The following SLC9A1 variants were observed in gnomAD, a reference collection of about 807,000 sequenced individuals.
The protein encoded by SLC9A1 is sodium/hydrogen exchanger 1.
Under a neutral mutation model 67.9 loss-of-function variants are expected in SLC9A1, and 22 were observed. The ratio of observed to expected loss-of-function variants is 0.32; its 90% CI spans 0.23 to 0.46. The LOEUF is 0.46. Ranked by LOEUF, SLC9A1 falls within the 20% of genes least tolerant of loss-of-function variation. The probability of loss-of-function intolerance (pLI) is 1.00; values close to 1 mark genes in which losing one functional copy is unlikely to be tolerated. For missense variants in SLC9A1, 686 were observed against 1,094.8 expected, an observed-to-expected ratio of 0.63 and a Z score of 5.27; for synonymous variants, 421 against 471.8, an observed-to-expected ratio of 0.89 and a Z score of 1.40.
intron 1 of SLC9A1, among the ~76,000 whole-genome samples, chr1:27,146,706 G>A (rs1254683807): frequency 1.3e-5 from 2 of 152,188 alleles, no homozygotes; most frequent in East Asian, 3.8e-4. Context: ...CTGGAGCCAG[G>A]GAGGTTGAAG....
In SLC9A1 at chr1:27,100,378, G is replaced by T; in HGVS notation, c.2377C>A (p.Arg793Ser). The T allele has an allele frequency of 6.3e-7, 1 of 1,589,480 alleles. No individual in the cohort carries two copies. Among genetic ancestry groups the T allele is most frequent in the Admixed American group, 1.7e-5 (1 of 58,598 alleles). The change falls in exon 12 of 12, where the codon CGC (arginine) becomes AGC (serine). Residue 793 changes from arginine to serine, a missense_variant. Around this residue, in one of 7 missense-constraint regions of SLC9A1, gnomAD observed 226 missense variants for 282.4 expected, o/e 0.80. Transcript: ENST00000263980. The surrounding 1 kb of genome is among the most constrained non-coding windows in gnomAD (Gnocchi z 5.6). ...TGTGGGCCTGGGTCACTGAGGCAGCGCTGTATCCTCTGGGAGCTGGGGCTG... is the reference window on the plus strand; with the variant it reads ...TGTGGGCCTGGGTCACTGAGGCAGCTCTGTATCCTCTGGGAGCTGGGGCTG... ...SDSPSSQRIQ[R>S]CLSDPGPHPE...
At position 27,155,086 on chromosome 1, in the gene SLC9A1, C is replaced by A. The variant is rs1035985506; in HGVS notation, c.-752G>T. The stretch of plus-strand genomic sequence containing the variant: ...AGCTGCAGCTCCTCCTGGTCCAGCT[C>A]CAGAACTAACCCTAGCCCCGGCCCC... On this transcript the variant is annotated 5_prime_UTR_variant, in exon 1 of 12. Coordinates refer to ENST00000263980, the MANE Select transcript of SLC9A1 (RefSeq NM_003047.5). The surrounding 1 kb of genome is among the most constrained non-coding windows in gnomAD (Gnocchi z 4.5). Among the ~76,000 whole-genome samples the A allele has an allele frequency of 3.9e-5, 6 of 152,058 alleles. No homozygotes were observed. The highest frequency in any genetic ancestry group is 5.9e-5 in the Non-Finnish European group (4 of 67,998).
chr1:27,117,949 C>T (rs1261649450), intron 1 of SLC9A1, among the ~76,000 whole-genome samples: 1 of 152,196 alleles, frequency 6.6e-6, no homozygotes, highest in Non-Finnish European at 1.5e-5. Context: ...GAGGGCCATG[C>T]TATTCCAGCC....
At chr1:27,151,212 C>T (rs1340267088) in intron 1 of SLC9A1, among the ~76,000 whole-genome samples, 2 of 152,292 alleles carry the variant, frequency 1.3e-5, no homozygotes, top group East Asian at 3.9e-4. Context: ...GGTAGGGATG[C>T]ATTTGCTGTA....
At chr1:27,151,550 C>T (rs1173585908) in intron 1 of SLC9A1, among the ~76,000 whole-genome samples, 29 of 151,888 alleles carry the variant, frequency 1.9e-4, no homozygotes, top group Admixed American at 1.7e-3. Flanking sequence ...TTAGTAGAGA[C>T]GGGGTTTCAC....
chr1:27,132,890 A>G (rs567418798), intron 1 of SLC9A1, among the ~76,000 whole-genome samples: 64 of 152,266 alleles, frequency 4.2e-4, no homozygotes, highest in Middle Eastern at 3.4e-3. Flanking sequence ...GAGCACCAGG[A>G]GCCATTTCCA....
In SLC9A1 at chr1:27,118,648, C is replaced by T. The variant is rs2083287194; in HGVS notation, c.353-4362G>A. 6.6e-6 allele frequency among the ~76,000 whole-genome samples: 1 copy of T among 152,176 alleles called. No homozygotes were observed. The highest frequency in any genetic ancestry group is 2.4e-5 in the African/African-American group (1 of 41,434). Reference sequence around the variant, plus strand: ...GCAAAACTTTCAGGGCCCAAACATGCAGCAGCAGTGATGTCACCAGGGTGA... The same window carrying T: ...GCAAAACTTTCAGGGCCCAAACATGTAGCAGCAGTGATGTCACCAGGGTGA... On this transcript the variant is annotated intron_variant, in intron 1 of 11. Coordinates refer to ENST00000263980, the MANE Select transcript of SLC9A1 (RefSeq NM_003047.5). The surrounding 1 kb of genome is among the most constrained non-coding windows in gnomAD (Gnocchi z 4.3).
At chr1:27,102,588 G>A (rs565362157) in intron 7 of SLC9A1, 30 bp from the exon 8 acceptor site, 7 of 1,609,038 alleles carry the variant, frequency 4.4e-6, no homozygotes, top group East Asian at 2.2e-5. Context: ...GACGGATGGC[G>A]CCAGCTTCCA....
In SLC9A1 at chr1:27,154,272, C is replaced by T; in HGVS notation, c.63G>A (p.Val21=). ...SPHRIFPSLL[V]VVALVGLLPV... ...GCAGCAGCCCCACCAAAGCAACCAC[C>T]ACGAGTAAGGAAGGGAAGATCCGAT... The change falls in exon 1 of 12, where the codon GTG becomes GTA. Residue 21 remains valine, a synonymous_variant. Transcript: ENST00000263980. 1 of 1,612,950 alleles carries T rather than the reference C, an allele frequency of 6.2e-7. No homozygotes were observed. Among genetic ancestry groups the T allele is most frequent in the Non-Finnish European group, 8.5e-7 (1 of 1,179,450 alleles).
At position 27,106,047 on chromosome 1, in the gene SLC9A1, G is replaced by A. The variant is rs752840548; in HGVS notation, c.1323C>T (p.Ile441=). 7.4e-6 allele frequency: 12 copies of A among 1,613,542 alleles called. No homozygotes were observed. Among genetic ancestry groups the A allele is most frequent in the Middle Eastern group, 1.7e-4 (1 of 6,054 alleles). ...GLTWFINKFR[I]VKLTPKDQFI... is the part of the protein sequence containing the mutation. ...ACTGGTCCTTGGGGGTCAGCTTCAC[G>A]ATACGGAACTTGTTGATGAACCAGG... The change falls in exon 5 of 12, where the codon ATC becomes ATT. Residue 441 remains isoleucine, a synonymous_variant. Transcript: ENST00000263980. The surrounding 1 kb of genome is among the most constrained non-coding windows in gnomAD (Gnocchi z 4.3).
At chr1:27,102,211 C>A (rs771712266) in intron 8 of SLC9A1, 81 bp from the exon 9 acceptor site, 27 of 1,401,142 alleles carry the variant, frequency 1.9e-5, no homozygotes, top group Non-Finnish European at 2.4e-5. Context: ...AGGAAGTCAC[C>A]CTAGGGATGA....
chr1:27,136,771 G>T (rs934943354), intron 1 of SLC9A1, among the ~76,000 whole-genome samples: 1 of 152,204 alleles, frequency 6.6e-6, no homozygotes, highest in Admixed American at 6.5e-5. Context: ...AATTATCCAT[G>T]GAAGGAGGAG....
Position 27,124,593 on chromosome 1 carries a change from C to A in SLC9A1, c.353-10307G>T, listed in dbSNP as rs142157204. Among the ~76,000 whole-genome samples, 3 of 152,302 alleles carry A rather than the reference C, an allele frequency of 2.0e-5. No individual in the cohort carries two copies. In the East Asian group the frequency reaches 5.8e-4, roughly 29 times the overall value. ...GCACTACAAGGAATGCGGGGGACCG[C>A]AAAGGAAGAACAAAACACAGGCGGC... On this transcript the variant is annotated intron_variant, in intron 1 of 11. Transcript: ENST00000263980.
rs372503360 is a variant in SLC9A1 at position 27,101,862 on chromosome 1, C to T, written c.1936-36G>A. Reference sequence around the variant, plus strand: ...GACAGCGTCAGGGCAGTGCGGGCCCCGGAAGGCTCTGCTCATGGAGGGGTG... The same window carrying T: ...GACAGCGTCAGGGCAGTGCGGGCCCTGGAAGGCTCTGCTCATGGAGGGGTG... On this transcript the variant is annotated intron_variant, in intron 9 of 11. Coordinates refer to ENST00000263980, the MANE Select transcript of SLC9A1 (RefSeq NM_003047.5). The surrounding 1 kb of genome is among the most constrained non-coding windows in gnomAD (Gnocchi z 4.9). 105 of 1,542,204 alleles carry T rather than the reference C, an allele frequency of 6.8e-5. No individual in the cohort carries two copies. The highest frequency in any genetic ancestry group is 2.4e-4 in the Admixed American group (14 of 59,510).
At chr1:27,111,620 A>AC (rs2083228258) in intron 2 of SLC9A1, among the ~76,000 whole-genome samples, 1 of 149,984 alleles carries the variant, frequency 6.7e-6, no homozygotes, top group African/African-American at 2.5e-5. Context: ...ACATAATGAG[A>AC]CCCCATATCT....
At chr1:27,127,880 TG>T (rs1437126009) in intron 1 of SLC9A1, among the ~76,000 whole-genome samples, 3 of 152,192 alleles carry the variant, frequency 2.0e-5, no homozygotes, top group Non-Finnish European at 4.4e-5. Flanking sequence ...AAGCCCAGGC[TG>T]GGGATCAGGG....
chr1:27,150,142 C>G, intron 1 of SLC9A1, among the ~76,000 whole-genome samples: 2 of 152,274 alleles, frequency 1.3e-5, no homozygotes, highest in South Asian at 2.1e-4. Flanking sequence ...GAGAGAGGCA[C>G]CTTCTAGTGT....
intron 1 of SLC9A1, among the ~76,000 whole-genome samples, chr1:27,149,235 C>T (rs537747927): frequency 2.6e-5 from 4 of 152,210 alleles, no homozygotes; most frequent in East Asian, 1.9e-4. Flanking sequence ...GCATCTGCTG[C>T]GGGAATGCCA....
At chr1:27,107,268 C>A (rs1300862365) in intron 4 of SLC9A1, among the ~76,000 whole-genome samples, 17 of 45,304 alleles carry the variant, frequency 3.8e-4, no homozygotes, top group Non-Finnish European at 8.6e-4. Context: ...CACATATACA[C>A]CCAGCCCCTC....
Sources: gnomAD v4.1 joint callset for allele counts (sites outside exome capture counted in the v4.1 genomes callset) on GRCh38, gnomAD v4.1.1 for gene constraint, gnomAD v4.1.1 regional missense constraint, Gnocchi (gnomAD v3.1) non-coding constraint, MANE v1.5 for transcripts, NCBI Gene and HGNC (gene_info 2026-07-23, HGNC 2026-07-21) for gene names.